Variants in RNF32 observed in about 807,000 individuals in gnomAD.
RNF32 encodes ring finger protein 32.
In RNF32, 36 loss-of-function variants were observed where a neutral mutation model predicts 41.0. The observed-to-expected ratio is 0.88, with a 90% CI of 0.67 to 1.16. RNF32 has a LOEUF of 1.16. Among genes scored for constraint, RNF32 ranks in the 50% most tolerant of loss-of-function variants. RNF32 has a pLI of 0.00. For synonymous variants in RNF32, 154 were observed against 160.9 expected, an observed-to-expected ratio of 0.96 and a Z score of 0.32; for missense variants, 413 against 436.7, an observed-to-expected ratio of 0.95 and a Z score of 0.48.
chr7:156,653,489 C>T (rs147194477), intron 3 of RNF32, among the ~76,000 whole-genome samples: 93 of 152,334 alleles, frequency 6.1e-4, no homozygotes, highest in African/African-American at 2.0e-3. Context: ...CACATTTCTA[C>T]TCTAAAAGCC....
chr7:156,663,355 T>TA (rs1800913198), intron 7 of RNF32, among the ~76,000 whole-genome samples: 1 of 152,232 alleles, frequency 6.6e-6, no homozygotes, highest in Admixed American at 6.5e-5. Context: ...GTTATGCATA[T>TA]TATATAAATC....
chr7:156,650,448 G>A (rs149928071), intron 3 of RNF32, among the ~76,000 whole-genome samples: 27 of 152,290 alleles, frequency 1.8e-4, no homozygotes, highest in African/African-American at 5.3e-4. Flanking sequence ...CCACTGACGC[G>A]CAGTGGGGTT....
intron 7 of RNF32, chr7:156,659,909 G>A (rs1417811172): frequency 4.1e-6 from 4 of 985,488 alleles, no homozygotes; most frequent in Non-Finnish European, 4.8e-6. Context: ...GAGCAGTCGG[G>A]GCAGGGAGAC....
chr7:156,644,931 A>C (rs1021066004), intron 3 of RNF32, among the ~76,000 whole-genome samples, 174 bp downstream of exon 3: 6 of 152,214 alleles, frequency 3.9e-5, no homozygotes, highest in African/African-American at 1.4e-4. Context: ...GGACCATTAG[A>C]GCAAGAAGGT....
intron 3 of RNF32, chr7:156,646,632 C>A: frequency 1.8e-6 from 1 of 569,186 alleles, no homozygotes; most frequent in Non-Finnish European, 2.7e-6. Context: ...GGAGAACTTC[C>A]ATTTAGATTA....
intron 7 of RNF32, among the ~76,000 whole-genome samples, chr7:156,674,805 T>C (rs903453256): frequency 1.2e-4 from 18 of 152,350 alleles, no homozygotes; most frequent in Non-Finnish European, 1.9e-4. Flanking sequence ...AAAAACTTAA[T>C]GTGACTGCCA....
intron 7 of RNF32, among the ~76,000 whole-genome samples, chr7:156,661,492 G>T (rs1192954224): frequency 6.6e-6 from 1 of 152,046 alleles, no homozygotes; most frequent in Admixed American, 6.6e-5. Context: ...GCTAATTTTT[G>T]TATTTTTTAG....
intron 3 of RNF32, among the ~76,000 whole-genome samples, chr7:156,648,497 T>C (rs1426774128): frequency 6.6e-6 from 1 of 152,142 alleles, no homozygotes; most frequent in African/African-American, 2.4e-5. Context: ...ATCTTAAGAG[T>C]TTTATCAGGA....
In RNF32 at chr7:156,644,617, A is replaced by C. The variant is rs748809450; in HGVS notation, c.134A>C (p.Gln45Pro). The change falls in exon 3 of 9, where the codon CAA (glutamine) becomes CCA (proline). Residue 45 changes from glutamine to proline, a missense_variant. Physicochemically the swap from Gln to Pro is moderately conservative, Grantham distance 76 (BLOSUM62 -1). Transcript: ENST00000317955. ...GCAGATCATTCTAAGACACAAGTAC[A>C]AAAGAAAGAGAACAAATCTCTAAAA... is the stretch of plus-strand genomic sequence containing the variant. The part of the protein sequence containing the change: ...SVADHSKTQV[Q>P]KKENKSLKRD... 20 of 1,613,698 alleles carry C rather than the reference A, an allele frequency of 1.2e-5. No homozygotes were observed. The highest frequency in any genetic ancestry group is 2.2e-5 in the South Asian group (2 of 91,064).
chr7:156,640,348 G>A (rs1005790439), upstream of RNF32: 6 of 448,238 alleles, frequency 1.3e-5, no homozygotes, highest in Non-Finnish European at 2.7e-5. Context: ...GCGGGCGGCT[G>A]AGGAGCGTGG....
chr7:156,651,785 A>G (rs141070235), intron 3 of RNF32, among the ~76,000 whole-genome samples: 48 of 152,264 alleles, frequency 3.2e-4, no homozygotes, highest in African/African-American at 1.1e-3. Context: ...AGTTTCCTCT[A>G]TCATCACTCA....
chr7:156,650,362 A>C (rs1412324476), intron 3 of RNF32, among the ~76,000 whole-genome samples: 1 of 152,178 alleles, frequency 6.6e-6, no homozygotes, highest in Non-Finnish European at 1.5e-5. Context: ...GATAGTCTAA[A>C]AATTGGCAAA....
chr7:156,666,949 G>A lies in RNF32; in HGVS notation c.684+8379G>A, dbSNP rs1311252009. Among the ~76,000 whole-genome samples the A allele has an allele frequency of 2.0e-5, 3 of 152,184 alleles. No individual in the cohort carries two copies. In the South Asian group the frequency reaches 6.2e-4, roughly 32 times the overall value. ...AGACATTGTTTAGAAAGTGGGGTGA[G>A]TGATTTGTCAGATGCTGGGGCGGCT... is the stretch of plus-strand genomic sequence containing the variant. On this transcript the variant is annotated intron_variant, in intron 7 of 8. Transcript: ENST00000317955.
intron 1 of RNF32, among the ~76,000 whole-genome samples, chr7:156,641,801 A>C (rs1163718242): frequency 6.6e-6 from 1 of 152,226 alleles, no homozygotes; most frequent in African/African-American, 2.4e-5. Flanking sequence ...GTGATCTTTC[A>C]GTATTTTAAA....
intron 4 of RNF32, among the ~76,000 whole-genome samples, chr7:156,656,708 A>G (rs536789783): frequency 1.6e-4 from 24 of 152,360 alleles, no homozygotes; most frequent in Admixed American, 5.2e-4. Flanking sequence ...GGAGTGCCCC[A>G]GACTGTGGTC....
At chr7:156,655,237 G>A (rs926191653) in intron 4 of RNF32, among the ~76,000 whole-genome samples, 14 of 148,174 alleles carry the variant, frequency 9.4e-5, no homozygotes, top group African/African-American at 2.3e-4. Flanking sequence ...ATACACGCGC[G>A]CGCACACACA....
chr7:156,655,659 G>C (rs1286865354), intron 4 of RNF32, among the ~76,000 whole-genome samples: 1 of 152,158 alleles, frequency 6.6e-6, no homozygotes, highest in Non-Finnish European at 1.5e-5. Context: ...TCACTAATTT[G>C]AATTCATAAG....
At chr7:156,668,102 G>T (rs1801635757) in intron 7 of RNF32, among the ~76,000 whole-genome samples, 1 of 152,052 alleles carries the variant, frequency 6.6e-6, no homozygotes, top group African/African-American at 2.4e-5. Context: ...GAATGCTAAG[G>T]GCCTTACAAA....
chr7:156,658,163 GAA>G lies in RNF32; in HGVS notation c.489_490del (p.Lys163AsnfsTer6). On this transcript the variant is annotated frameshift_variant, in exon 6 of 9. Coordinates refer to ENST00000317955, the MANE Select transcript of RNF32 (RefSeq NM_030936.4). LOFTEE classifies it high-confidence loss of function. ...LQAFEKFTNKKTCPLCRKNQY... is the reference protein window; with the variant it reads ...LQAFEKFTNKXTCPLCRKNQY... ...AGGCTTTTGAAAAGTTCACAAATAAGAAAACCTGTCCTCTCTGTAGAAAGAAC... is the reference window on the plus strand; with the variant it reads ...AGGCTTTTGAAAAGTTCACAAATAAGAACCTGTCCTCTCTGTAGAAAGAAC... The G allele has an allele frequency of 6.2e-7, 1 of 1,614,080 alleles. No individual in the cohort carries two copies. Among genetic ancestry groups the G allele is most frequent in the Non-Finnish European group, 8.5e-7 (1 of 1,179,978 alleles).
Sources: allele counts gnomAD v4.1 joint callset (sites outside exome capture counted in the v4.1 genomes callset), GRCh38; gene constraint gnomAD v4.1.1; transcripts MANE v1.5; gene names NCBI Gene and HGNC (gene_info 2026-07-23, HGNC 2026-07-21).